Variants in CPNE5 observed in about 807,000 individuals in gnomAD.
The protein encoded by CPNE5 is copine 5.
Under a neutral mutation model 81.1 loss-of-function variants are expected in CPNE5, and 42 were observed. That is an observed-to-expected ratio of 0.52 (90% CI 0.40 to 0.67). The LOEUF (loss-of-function observed/expected upper bound fraction) is 0.67, where lower values mean the gene tolerates loss of function less well. CPNE5 is among the 30% of genes least tolerant of loss of function. The probability of loss-of-function intolerance (pLI) is 0.00; values close to 1 mark genes in which losing one functional copy is unlikely to be tolerated. For synonymous variants in CPNE5, 313 were observed against 321.5 expected, an observed-to-expected ratio of 0.97 and a Z score of 0.28; for missense variants, 612 against 815.5, an observed-to-expected ratio of 0.75 and a Z score of 3.04.
intron 1 of CPNE5, among the ~76,000 whole-genome samples, chr6:36,831,398 G>A (rs992352785): frequency 6.6e-6 from 1 of 151,628 alleles, no homozygotes; most frequent in East Asian, 1.9e-4. Flanking sequence ...CTGTCAACCA[G>A]GCTGGAGTGC....
chr6:36,825,696 C>G (rs920223219), intron 1 of CPNE5, among the ~76,000 whole-genome samples: 1 of 152,168 alleles, frequency 6.6e-6, no homozygotes, highest in Non-Finnish European at 1.5e-5. Flanking sequence ...CACACCGAGG[C>G]GGGCTGACTT....
chr6:36,824,170 G>A (rs574525387), intron 1 of CPNE5, among the ~76,000 whole-genome samples: 49 of 151,908 alleles, frequency 3.2e-4, no homozygotes, highest in Admixed American at 6.5e-4. Context: ...TCTCTCCTGC[G>A]GGCTTTCTCG....
chr6:36,767,836 G>A (rs1377037353), intron 10 of CPNE5, among the ~76,000 whole-genome samples: 1 of 152,230 alleles, frequency 6.6e-6, no homozygotes, highest in South Asian at 2.1e-4. Flanking sequence ...CAGAGCCACT[G>A]ACCTTCTCTA....
chr6:36,776,340 T>C (rs1767498198), intron 9 of CPNE5, among the ~76,000 whole-genome samples: 1 of 152,270 alleles, frequency 6.6e-6, no homozygotes, highest in Admixed American at 6.5e-5. Context: ...TCTGTCACCA[T>C]GGCTTAGCGT....
chr6:36,798,351 C>A, intron 5 of CPNE5, 104 bp downstream of exon 5: 1 of 1,496,298 alleles, frequency 6.7e-7, no homozygotes, highest in South Asian at 1.1e-5. Context: ...AATGACAGGA[C>A]GCAGCGTCGG....
chr6:36,784,183 T>C (rs1160447465), intron 8 of CPNE5, among the ~76,000 whole-genome samples: 1 of 152,248 alleles, frequency 6.6e-6, no homozygotes. Flanking sequence ...GGTTGGCAGC[T>C]GATTTTGTTC....
rs1361669306 is a variant in CPNE5, at chr6:36,756,205, A to G, written c.909+40T>C. Reference sequence around the variant, plus strand: ...TACCAGACCTAGCTTGGGGCTCAGAATGTCTACACCCGGCTGCAGAGACCG... The same window carrying G: ...TACCAGACCTAGCTTGGGGCTCAGAGTGTCTACACCCGGCTGCAGAGACCG... On this transcript the variant is annotated intron_variant, in intron 13 of 20. Coordinates refer to ENST00000244751, the MANE Select transcript of CPNE5 (RefSeq NM_020939.2). The G allele has an allele frequency of 1.9e-6, 3 of 1,589,548 alleles. No individual in the cohort carries two copies. The South Asian group carries it at 3.3e-5, about 18-fold the overall frequency.
At chr6:36,837,607 A>G (rs1773631460) in intron 1 of CPNE5, among the ~76,000 whole-genome samples, 1 of 152,182 alleles carries the variant, frequency 6.6e-6, no homozygotes, top group Non-Finnish European at 1.5e-5. Context: ...CCTAGGGCCC[A>G]CGGGACACAG....
At position 36,745,476 on chromosome 6, in the gene CPNE5, C is replaced by T. The variant is rs543216469; in HGVS notation, c.1240G>A (p.Gly414Ser). 13 of 1,600,178 alleles carry T rather than the reference C, an allele frequency of 8.1e-6. No homozygotes were observed. The highest frequency in any genetic ancestry group is 1.1e-5 in the South Asian group (1 of 88,372). Reference protein sequence around the residue: ...QENPSCCGIDGILEAYHRSLR... With the variant: ...QENPSCCGIDSILEAYHRSLR... Reference sequence around the variant, plus strand: ...CTGCGGTGGTAGGCCTCCAGGATGCCGTCGATGCCACAGCATGAGGGGTTC... The same window carrying T: ...CTGCGGTGGTAGGCCTCCAGGATGCTGTCGATGCCACAGCATGAGGGGTTC... Residue 414 changes from glycine to serine, a missense_variant, in exon 17 of 21, where the codon GGC becomes AGC. Coordinates refer to ENST00000244751, the MANE Select transcript of CPNE5 (RefSeq NM_020939.2).
At chr6:36,817,307 A>G (rs888920490) in intron 3 of CPNE5, among the ~76,000 whole-genome samples, 3 of 152,150 alleles carry the variant, frequency 2.0e-5, no homozygotes, top group Non-Finnish European at 2.9e-5. Flanking sequence ...CCCGGGCAAA[A>G]AGGGTGAAAC....
At chr6:36,834,025 A>T (rs1326541178) in intron 1 of CPNE5, among the ~76,000 whole-genome samples, 1 of 152,038 alleles carries the variant, frequency 6.6e-6, no homozygotes, top group East Asian at 1.9e-4. Context: ...GTTTGAGATC[A>T]GCCAATCAGC....
At chr6:36,754,970 C>A (rs1299549455) in intron 13 of CPNE5, 1 of 152,190 alleles carries the variant, frequency 6.6e-6, no homozygotes, top group East Asian at 1.9e-4. Context: ...ACACCGCAGC[C>A]TTGGACAAAG....
At chr6:36,798,419 CTA>C (rs1262000097) in intron 5 of CPNE5, 34 bp downstream of exon 5, 2 of 1,607,294 alleles carry the variant, frequency 1.2e-6, no homozygotes, top group Admixed American at 1.7e-5. Context: ...ATTTCAGAAA[CTA>C]TGGAATTGCT....
At chr6:36,771,954 G>T (rs892448270) in intron 10 of CPNE5, among the ~76,000 whole-genome samples, 1 of 152,100 alleles carries the variant, frequency 6.6e-6, no homozygotes, top group Non-Finnish European at 1.5e-5. Context: ...GGGCCATCCT[G>T]CAGCGAGATG....
At chr6:36,778,314 G>A (rs994720323) in intron 9 of CPNE5, among the ~76,000 whole-genome samples, 1 of 152,184 alleles carries the variant, frequency 6.6e-6, no homozygotes, top group African/African-American at 2.4e-5. Flanking sequence ...GAAGAGAGGA[G>A]GAAATAGGGG....
intron 18 of CPNE5, 54 bp downstream of exon 18, chr6:36,744,994 C>A (rs554200272): frequency 4.0e-6 from 5 of 1,247,566 alleles, no homozygotes; most frequent in Non-Finnish European, 3.5e-6. Context: ...GTTCCCCTAA[C>A]GGGGAGGAAG....
chr6:36,745,474 G>A lies in CPNE5; in HGVS notation c.1242C>T (p.Gly414=), dbSNP rs1312846713. The A allele has an allele frequency of 6.3e-7, 1 of 1,599,692 alleles. No homozygotes were observed. The highest frequency in any genetic ancestry group is 8.5e-7 in the Non-Finnish European group (1 of 1,173,702). Residue 414 remains glycine (G), a synonymous_variant, in exon 17 of 21, where the codon GGC becomes GGT. Coordinates refer to ENST00000244751, the MANE Select transcript of CPNE5 (RefSeq NM_020939.2). Reference sequence around the variant, plus strand: ...GGCTGCGGTGGTAGGCCTCCAGGATGCCGTCGATGCCACAGCATGAGGGGT... The same window carrying A: ...GGCTGCGGTGGTAGGCCTCCAGGATACCGTCGATGCCACAGCATGAGGGGT... The part of the protein sequence containing the change: ...QENPSCCGID[G]ILEAYHRSLR...
Position 36,748,403 on chromosome 6 carries a change from T to C in CPNE5, c.972-136A>G. On this transcript the variant is annotated intron_variant, in intron 14 of 20. Coordinates refer to ENST00000244751, the MANE Select transcript of CPNE5 (RefSeq NM_020939.2). ...TGGCCTTGGTGAAGTCATTCATCTC[T>C]TTCTAGTTCTGGAGAGCTGAGATAG... 15 of 748,292 alleles carry C rather than the reference T, an allele frequency of 2.0e-5. No individual in the cohort carries two copies. In the South Asian group the frequency reaches 2.2e-4, roughly 11 times the overall value. The allele number at this position is 748,292 out of a possible 1,614,324, so 46.4% of individuals were successfully genotyped here.
chr6:36,831,919 A>G (rs1773018185), intron 1 of CPNE5, among the ~76,000 whole-genome samples: 1 of 152,226 alleles, frequency 6.6e-6, no homozygotes, highest in Admixed American at 6.5e-5. Context: ...CCCAGAGAAG[A>G]TAAGCCAGGA....
Sources: gnomAD v4.1 joint callset for allele counts (sites outside exome capture counted in the v4.1 genomes callset) on GRCh38, gnomAD v4.1.1 for gene constraint, MANE v1.5 for transcripts, NCBI Gene and HGNC (gene_info 2026-07-23, HGNC 2026-07-21) for gene names.